SATL1: variants seen among roughly 807,000 people sequenced by gnomAD.
The protein encoded by SATL1 is spermidine/spermine N(1)-acetyltransferase-like protein 1.
SATL1 carries 47 observed loss-of-function variants against 51.8 expected under a neutral mutation model. The ratio of observed to expected loss-of-function variants is 0.91; its 90% CI spans 0.72 to 1.16. The LOEUF (loss-of-function observed/expected upper bound fraction) is 1.16, where lower values mean the gene tolerates loss of function less well. Ranked by LOEUF, SATL1 falls within the 50% of genes most tolerant of loss-of-function variation. The pLI is 0.00. For synonymous variants in SATL1, 176 were observed against 182.4 expected (o/e 0.97, Z 0.28); for missense variants, 520 against 526.4 (o/e 0.99, Z 0.12).
At chrX:85,109,815 C>G (rs890446956) in intron 2 of SATL1, among the ~76,000 whole-genome samples, 2 of 110,691 alleles carry the variant, frequency 1.8e-5, no homozygotes, top group African/African-American at 6.6e-5. Flanking sequence ...TCGAGACCAG[C>G]CTGGCCAATA....
intron 3 of SATL1, among the ~76,000 whole-genome samples, chrX:85,104,262 G>T (rs1373770473): frequency 8.9e-6 from 1 of 111,766 alleles, no homozygotes; most frequent in African/African-American, 3.2e-5. Flanking sequence ...GTATTATGAA[G>T]CTCATAGGCT....
At chrX:85,127,392 A>G (rs1395195293) in intron 2 of SATL1, among the ~76,000 whole-genome samples, 3 of 111,765 alleles carry the variant, frequency 2.7e-5, no homozygotes, top group Admixed American at 9.5e-5. Context: ...TATTATTCAT[A>G]GTATCAGATC....
intron 2 of SATL1, among the ~76,000 whole-genome samples, chrX:85,174,651 A>G (rs981872974): frequency 1.8e-5 from 2 of 111,630 alleles, no homozygotes; most frequent in Non-Finnish European, 3.8e-5. Context: ...CAGAAATCTA[A>G]GAGAATAACT....
intron 2 of SATL1, among the ~76,000 whole-genome samples, chrX:85,152,132 C>A (rs1233712422): frequency 2.7e-5 from 3 of 111,514 alleles, no homozygotes; most frequent in Non-Finnish European, 5.6e-5. Context: ...AAAAAACAAA[C>A]AATCCCATCA....
intron 2 of SATL1, among the ~76,000 whole-genome samples, chrX:85,134,422 C>T (rs146658855): frequency 6.7e-4 from 75 of 111,404 alleles, no homozygotes; most frequent in African/African-American, 2.4e-3. Flanking sequence ...AATTTGATTA[C>T]CTTCTATGTG....
chrX:85,127,719 A>T lies in SATL1; in HGVS notation c.-312-18439T>A, dbSNP rs997400248. Among the ~76,000 whole-genome samples, 3 of 111,293 alleles carry T rather than the reference A, an allele frequency of 2.7e-5. No homozygotes were observed. The Admixed American group carries it at 2.9e-4, about 11-fold the overall frequency. On this transcript the variant is annotated intron_variant, in intron 2 of 7. Coordinates refer to ENST00000644105, the MANE Select transcript of SATL1 (RefSeq NM_001367857.2). ...ATGCAGGTGTGTTACTTATGTATAC[A>T]TGTGCCATGTTGGTGTGCTGCACCC...
chrX:85,199,663 T>G lies in SATL1; in HGVS notation c.-313+24542A>C, dbSNP rs755324393. Among the ~76,000 whole-genome samples the G allele has an allele frequency of 3.6e-5, 4 of 111,853 alleles. No individual in the cohort carries two copies. In the Admixed American group the frequency reaches 3.8e-4, roughly 11 times the overall value. ...CTGGATATCATTATGTTAAGTGAAA[T>G]AAACCAGGCACAGAAAGACAAACTT... On this transcript the variant is annotated intron_variant, in intron 2 of 7. Transcript: ENST00000644105.
intron 3 of SATL1, among the ~76,000 whole-genome samples, chrX:85,104,240 C>A (rs1924974181): frequency 9.0e-6 from 1 of 111,728 alleles, no homozygotes; most frequent in African/African-American, 3.2e-5. Context: ...AGGCAGCTGT[C>A]ATAAAGTTTA....
At chrX:85,128,178 G>A (rs1426608355) in intron 2 of SATL1, among the ~76,000 whole-genome samples, 1 of 111,312 alleles carries the variant, frequency 9.0e-6, no homozygotes, top group Non-Finnish European at 1.9e-5. Flanking sequence ...GGGATAGCTG[G>A]GTCAAATGGT....
intron 2 of SATL1, among the ~76,000 whole-genome samples, chrX:85,222,713 T>C (rs1238191181): frequency 9.0e-6 from 1 of 111,309 alleles, no homozygotes; most frequent in Non-Finnish European, 1.9e-5. Flanking sequence ...AAGATGTGTT[T>C]GGTTTGCCTT....
intron 2 of SATL1, among the ~76,000 whole-genome samples, chrX:85,130,651 T>G (rs1925767007): frequency 8.9e-6 from 1 of 111,786 alleles, no homozygotes; most frequent in African/African-American, 3.3e-5. Context: ...TCTCCTTCTG[T>G]TCTGCTCTGA....
At chrX:85,190,978 G>A (rs1024092834) in intron 2 of SATL1, among the ~76,000 whole-genome samples, 1 of 92,712 alleles carries the variant, frequency 1.1e-5, no homozygotes, top group Non-Finnish European at 2.2e-5. Flanking sequence ...GTGGTGTAGG[G>A]GGAGGGGGGA....
chrX:85,215,624 T>C, intron 2 of SATL1, among the ~76,000 whole-genome samples: 1 of 112,611 alleles, frequency 8.9e-6, no homozygotes, highest in African/African-American at 3.2e-5. Flanking sequence ...CACTCTTAAG[T>C]TCAGCCTTCC....
intron 2 of SATL1, among the ~76,000 whole-genome samples, chrX:85,122,616 C>CA (rs200648217): frequency 6.1e-4 from 66 of 108,234 alleles, no homozygotes; most frequent in South Asian, 7.8e-4. Context: ...AATAAGTGTA[C>CA]AAAAAAAAAG....
intron 1 of SATL1, among the ~76,000 whole-genome samples, chrX:85,242,161 AC>A (rs1928619335): frequency 3.6e-5 from 4 of 112,133 alleles, no homozygotes; most frequent in Non-Finnish European, 5.6e-5. Context: ...ATTATCTCCC[AC>A]AGTGTACCAT....
chrX:85,117,058 T>C (rs977013833), intron 2 of SATL1, among the ~76,000 whole-genome samples: 1 of 111,611 alleles, frequency 9.0e-6, no homozygotes, highest in African/African-American at 3.3e-5. Context: ...TCCCAACCGC[T>C]AGTAGGCCAC....
At chrX:85,115,104 A>T (rs1351502211) in intron 2 of SATL1, among the ~76,000 whole-genome samples, 1 of 111,899 alleles carries the variant, frequency 8.9e-6, no homozygotes, top group Non-Finnish European at 1.9e-5. Context: ...AGGAATATTC[A>T]TGGAAAGCCT....
intron 2 of SATL1, among the ~76,000 whole-genome samples, chrX:85,178,305 T>A (rs770630622): frequency 6.7e-4 from 75 of 111,877 alleles, no homozygotes; most frequent in African/African-American, 2.4e-3. Context: ...AATATTAGTC[T>A]AGAAGAAATT....
At chrX:85,173,448 G>A (rs1927016234) in intron 2 of SATL1, among the ~76,000 whole-genome samples, 1 of 110,607 alleles carries the variant, frequency 9.0e-6, no homozygotes, top group African/African-American at 3.3e-5. Context: ...CTTTATGGGT[G>A]AGACTACAGG....
Sources: allele counts gnomAD v4.1 joint callset (sites outside exome capture counted in the v4.1 genomes callset), GRCh38; gene constraint gnomAD v4.1.1; transcripts MANE v1.5; gene names NCBI Gene and HGNC (gene_info 2026-07-23, HGNC 2026-07-21).